Variants in ZSCAN29 observed in about 807,000 individuals in gnomAD.
The protein encoded by ZSCAN29 is zinc finger and SCAN domain containing 29.
In ZSCAN29, 55 loss-of-function variants were observed where a neutral mutation model predicts 71.9. The observed-to-expected ratio is 0.76, with a 90% CI of 0.62 to 0.96. ZSCAN29 has a LOEUF of 0.96. Ranked by LOEUF, ZSCAN29 falls within the 40% of genes least tolerant of loss-of-function variation. The pLI, the probability that ZSCAN29 is intolerant of heterozygous loss-of-function variation, is 0.00. For synonymous variants in ZSCAN29, 351 were observed against 371.6 expected, an observed-to-expected ratio of 0.94 and a Z score of 0.64; for missense variants, 1,042 against 1,042.2, an observed-to-expected ratio of 1.00 and a Z score of 0.00.
chr15:43,366,783 C>T lies in ZSCAN29; in HGVS notation c.549G>A (p.Val183=). Residue 183 remains valine, a synonymous_variant, in exon 4 of 6, where the codon GTG becomes GTA. Coordinates refer to ENST00000684362, the MANE Select transcript of ZSCAN29 (RefSeq NM_001372080.1). ...GCTCTCCTTGCTCCAACCTGGAGAC[C>T]ACACCGGATTTAGGAAATGGCAATC... The part of the protein sequence containing the change: ...RSGLPFPKSG[V]VSRLEQGEPW... The T allele has an allele frequency of 6.2e-7, 1 of 1,611,734 alleles. No homozygotes were observed. The highest frequency in any genetic ancestry group is 8.5e-7 in the Non-Finnish European group (1 of 1,179,218).
rs1231869814 is a variant in ZSCAN29, at chr15:43,358,800, G to C, written c.*2273C>G. 3 of 152,208 alleles carry C rather than the reference G, an allele frequency of 2.0e-5. No homozygotes were observed. Among genetic ancestry groups the C allele is most frequent in the African/African-American group, 4.8e-5 (2 of 41,442 alleles). The allele number at this position is 152,208 out of a possible 1,614,324, so 9.4% of individuals were successfully genotyped here. On this transcript the variant is annotated 3_prime_UTR_variant, in exon 6 of 6. Coordinates refer to ENST00000684362, the MANE Select transcript of ZSCAN29 (RefSeq NM_001372080.1). ...CTTATTCTTTCAGTGGCAGTCAGCT[G>C]TTTCCTTATCAATAGTTATAGCGTA...
At position 43,361,265 on chromosome 15, in the gene ZSCAN29, G is replaced by C; in HGVS notation, c.2367C>G (p.Pro789=). The C allele has an allele frequency of 6.2e-7, 1 of 1,613,806 alleles. No homozygotes were observed. The highest frequency in any genetic ancestry group is 8.5e-7 in the Non-Finnish European group (1 of 1,179,876). The change falls in exon 6 of 6, where the codon CCC becomes CCG. Residue 789 remains proline, a synonymous_variant. Coordinates refer to ENST00000684362, the MANE Select transcript of ZSCAN29 (RefSeq NM_001372080.1). The part of the protein sequence containing the change: ...AHRRIHTGER[P]HVCPDCGKSF... ...TCTTTCCACAGTCAGGACACACATG[G>C]GGTCTCTCTCCTGTGTGTATCCTCC...
In ZSCAN29 at chr15:43,361,216, G is replaced by C; in HGVS notation, c.2416C>G (p.Arg806Gly). ...GKSFSKSSDL[R>G]AHHRTHTGEK... ...CCTGTGTGGGTTCTATGATGTGCAC[G>C]TAAGTCAGAACTCTTACTGAAACTC... Residue 806 changes from arginine (R) to glycine (G), a missense_variant, in exon 6 of 6, where the codon CGT becomes GGT. By Grantham distance (125) the Arg-to-Gly change is moderately radical (BLOSUM62 -2). Coordinates refer to ENST00000684362, the MANE Select transcript of ZSCAN29 (RefSeq NM_001372080.1). 5 of 1,613,146 alleles carry C rather than the reference G, an allele frequency of 3.1e-6. No individual in the cohort carries two copies. The highest frequency in any genetic ancestry group is 2.2e-5 in the East Asian group (1 of 44,826).
chr15:43,369,367 T>C (rs2044073369), intron 2 of ZSCAN29: 1 of 595,184 alleles, frequency 1.7e-6, no homozygotes, highest in African/African-American at 1.9e-5. Flanking sequence ...AAAAATCCCC[T>C]TTCTTCCCTA....
Position 43,361,394 on chromosome 15 carries a change from G to C in ZSCAN29, c.2238C>G (p.Ser746Arg), listed in dbSNP as rs2043977852. 30 of 1,614,112 alleles carry C rather than the reference G, an allele frequency of 1.9e-5. No individual in the cohort carries two copies. The highest frequency in any genetic ancestry group is 2.5e-5 in the Non-Finnish European group (29 of 1,180,024). Reference sequence around the variant, plus strand: ...TTCTCTGGTGAATGATAAGGCTTGAGCTCTGATTGAAGCATTTCCCACACT... The same window carrying C: ...TTCTCTGGTGAATGATAAGGCTTGACCTCTGATTGAAGCATTTCCCACACT... ...CGECGKCFNQ[S>R]SSLIIHQRTH... Residue 746 changes from serine to arginine, a missense_variant, in exon 6 of 6, where the codon AGC becomes AGG. Transcript: ENST00000684362.
At chr15:43,364,554 T>A (rs141159380) in intron 4 of ZSCAN29, 172 bp from the exon 5 acceptor site, 1 of 724,458 alleles carries the variant, frequency 1.4e-6, no homozygotes, top group Non-Finnish European at 2.4e-6. Context: ...ATGTTTTGCT[T>A]CTTTATATCC....
At chr15:43,362,423 C>T (rs1450299602) in intron 5 of ZSCAN29, among the ~76,000 whole-genome samples, 1 of 152,188 alleles carries the variant, frequency 6.6e-6, no homozygotes, top group Non-Finnish European at 1.5e-5. Context: ...TCCCCTTCCC[C>T]TCACATTCCA....
In ZSCAN29 at chr15:43,370,997, C is replaced by CGGCCCCT; in HGVS notation, c.-553_-552insAGGGGCC. 9.0e-6 allele frequency: 3 copies of CGGCCCCT among 332,796 alleles called. No homozygotes were observed. In the South Asian group the frequency reaches 9.8e-5, roughly 11 times the overall value. The allele number at this position is 332,796 out of a possible 1,614,324, so 20.6% of individuals were successfully genotyped here. On this transcript the variant is annotated 5_prime_UTR_variant, in exon 1 of 6. Coordinates refer to ENST00000684362, the MANE Select transcript of ZSCAN29 (RefSeq NM_001372080.1). ...CTGACCCCGGCCCCGGCCCCGGCCC[C>CGGCCCCT]GGCCCCGGCTCTCCAGCCTCCCAAG...
At position 43,370,975 on chromosome 15, in the gene ZSCAN29, A is replaced by ACCCCGG. The variant is rs11279953; in HGVS notation, c.-536_-531dup. ...CTCACCCACTCGGGGTCCGACCCTG[A>ACCCCGG]CCCCGGCCCCGGCCCCGGCCCCGGC... is the stretch of plus-strand genomic sequence containing the variant. On this transcript the variant is annotated 5_prime_UTR_variant, in exon 1 of 6. Transcript: ENST00000684362. The ACCCCGG allele has an allele frequency of 0.14, 35,306 of 259,168 alleles. 2,810 individuals carry two copies. The highest frequency in any genetic ancestry group is 0.17 in the Middle Eastern group (127 of 734). The allele number at this position is 259,168 out of a possible 1,614,324, so 16.1% of individuals were successfully genotyped here. A position where few individuals can be genotyped will look rare whatever the true frequency, so the allele number is the denominator to read the frequency against.
chr15:43,366,092 A>AGT lies in ZSCAN29; in HGVS notation c.1222+17_1222+18insAC. The AGT allele has an allele frequency of 6.4e-7, 1 of 1,573,450 alleles. No homozygotes were observed. The highest frequency in any genetic ancestry group is 8.6e-7 in the Non-Finnish European group (1 of 1,160,280). On this transcript the variant is annotated intron_variant, in intron 4 of 5. Transcript: ENST00000684362. ...CCCCAAGTCTAATTCCAAAACTCCAAGAAGAAAAGCTTCTTACCACCTGGG... is the reference window on the plus strand; with the variant it reads ...CCCCAAGTCTAATTCCAAAACTCCAAGTGAAGAAAAGCTTCTTACCACCTGGG...
In ZSCAN29 at chr15:43,361,474, T is replaced by A. The variant is rs374579190; in HGVS notation, c.2158A>T (p.Asn720Tyr). Residue 720 changes from asparagine to tyrosine, a missense_variant, in exon 6 of 6, where the codon AAT becomes TAT. By Grantham distance (143) the Asn-to-Tyr change is moderately radical. Transcript: ENST00000684362. ...DCGKSFRDSSNFITHRRIHTG... is the reference protein window; with the variant it reads ...DCGKSFRDSSYFITHRRIHTG... ...TGGATTCTCCTATGGGTGATGAAATTTGAACTGTCACGGAAACTTTTTCCA... is the reference window on the plus strand; with the variant it reads ...TGGATTCTCCTATGGGTGATGAAATATGAACTGTCACGGAAACTTTTTCCA... 1 of 1,613,592 alleles carries A rather than the reference T, an allele frequency of 6.2e-7. No individual in the cohort carries two copies. The highest frequency in any genetic ancestry group is 8.5e-7 in the Non-Finnish European group (1 of 1,179,490).
In ZSCAN29 at chr15:43,366,155, G is replaced by T. The variant is rs750860549; in HGVS notation, c.1177C>A (p.Gln393Lys). The T allele has an allele frequency of 2.5e-6, 4 of 1,613,736 alleles. No individual in the cohort carries two copies. Among genetic ancestry groups the T allele is most frequent in the African/African-American group, 1.3e-5 (1 of 74,888 alleles). ...ACAGGTGCAGCTGAGTTGGGGTCCT[G>T]GGGGGTCGCCTCTAGATCCATGTCA... ...SDDMDLEATPQDPNSAAPVVF... is the reference protein window; with the variant it reads ...SDDMDLEATPKDPNSAAPVVF... The change falls in exon 4 of 6, where the codon CAG becomes AAG. Residue 393 changes from glutamine to lysine, a missense_variant. Coordinates refer to ENST00000684362, the MANE Select transcript of ZSCAN29 (RefSeq NM_001372080.1).
intron 3 of ZSCAN29, among the ~76,000 whole-genome samples, chr15:43,367,338 G>C (rs2044049612): frequency 6.6e-6 from 1 of 152,132 alleles, no homozygotes; most frequent in African/African-American, 2.4e-5. Context: ...CCTAACCGCA[G>C]GCTCTTGCTT....
In ZSCAN29 at chr15:43,359,604, G is replaced by A. The variant is rs2043961572; in HGVS notation, c.*1469C>T. On this transcript the variant is annotated 3_prime_UTR_variant, in exon 6 of 6. Coordinates refer to ENST00000684362, the MANE Select transcript of ZSCAN29 (RefSeq NM_001372080.1). ...GTGGCAGTGGCTTCTGCTTATTGCA[G>A]GTAAGTGCCCATGGAGGGCATAACA... is the stretch of plus-strand genomic sequence containing the variant. 6.6e-6 allele frequency: 1 copy of A among 152,230 alleles called. No individual in the cohort carries two copies. The highest frequency in any genetic ancestry group is 1.5e-5 in the Non-Finnish European group (1 of 68,052). The allele number at this position is 152,230 out of a possible 1,614,324, so 9.4% of individuals were successfully genotyped here.
Position 43,368,907 on chromosome 15 carries a change from T to C in ZSCAN29, c.523+16A>G. 6.4e-7 allele frequency: 1 copy of C among 1,568,764 alleles called. No individual in the cohort carries two copies. Among genetic ancestry groups the C allele is most frequent in the South Asian group, 1.2e-5 (1 of 84,720 alleles). ...TGGAATGGCAGTCTATCTTCCCATATGAATCTACTCCTCACCGCTCCTTTG... is the reference window on the plus strand; with the variant it reads ...TGGAATGGCAGTCTATCTTCCCATACGAATCTACTCCTCACCGCTCCTTTG... On this transcript the variant is annotated intron_variant, in intron 3 of 5. Transcript: ENST00000684362.
chr15:43,366,035 A>T, intron 4 of ZSCAN29, 75 bp downstream of exon 4: 2 of 1,452,570 alleles, frequency 1.4e-6, no homozygotes, highest in Non-Finnish European at 1.9e-6. Context: ...TGTGACATTA[A>T]GCCTTCTGAC....
intron 4 of ZSCAN29, among the ~76,000 whole-genome samples, chr15:43,365,611 T>A (rs2044028019): frequency 1.3e-5 from 2 of 152,194 alleles, no homozygotes; most frequent in Admixed American, 6.5e-5. Flanking sequence ...TATTTTAAAA[T>A]TTTTAAAGAA....
chr15:43,363,257 G>A (rs548157435), intron 5 of ZSCAN29, among the ~76,000 whole-genome samples: 2 of 152,190 alleles, frequency 1.3e-5, no homozygotes, highest in Non-Finnish European at 2.9e-5. Flanking sequence ...GGGATTACAG[G>A]CATGTGCCAC....
chr15:43,369,200 C>G, intron 2 of ZSCAN29, 73 bp from the exon 3 acceptor site: 6 of 1,418,982 alleles, frequency 4.2e-6, no homozygotes, highest in Non-Finnish European at 4.7e-6. Context: ...GTATTTAATA[C>G]CCCAAAAGAG....
Sources: allele counts gnomAD v4.1 joint callset (sites outside exome capture counted in the v4.1 genomes callset), GRCh38; gene constraint gnomAD v4.1.1; transcripts MANE v1.5; gene names NCBI Gene and HGNC (gene_info 2026-07-23, HGNC 2026-07-21).